NKAIN3: variants seen among roughly 807,000 people sequenced by gnomAD.
NKAIN3 encodes sodium/potassium-transporting ATPase subunit beta-1-interacting protein 3.
Under a neutral mutation model 30.2 loss-of-function variants are expected in NKAIN3, and 25 were observed. The ratio of observed to expected loss-of-function variants is 0.83; its 90% CI spans 0.60 to 1.16. The LOEUF (loss-of-function observed/expected upper bound fraction) is 1.16. Among genes scored for constraint, NKAIN3 ranks in the 50% most tolerant of loss-of-function variants. The pLI, the probability that NKAIN3 is intolerant of heterozygous loss-of-function variation, is 0.00. For synonymous variants in NKAIN3, 91 were observed against 89.6 expected, an observed-to-expected ratio of 1.02 and a Z score of -0.09; for missense variants, 225 against 254.1, an observed-to-expected ratio of 0.89 and a Z score of 0.78.
intron 1 of NKAIN3, among the ~76,000 whole-genome samples, chr8:62,418,539 T>C (rs780878995): frequency 6.6e-6 from 1 of 152,136 alleles, no homozygotes; most frequent in Non-Finnish European, 1.5e-5. Flanking sequence ...CTTTGCGATC[T>C]CCCCTTTCTA....
chr8:62,487,438 A>G (rs1194410535), intron 1 of NKAIN3, among the ~76,000 whole-genome samples: 1 of 152,196 alleles, frequency 6.6e-6, no homozygotes, highest in Non-Finnish European at 1.5e-5. Flanking sequence ...GGCAATATGG[A>G]CAATGTCATT....
intron 1 of NKAIN3, among the ~76,000 whole-genome samples, chr8:62,320,542 T>C (rs10088989): frequency 0.042 from 6,460 of 152,228 alleles, 230 homozygotes; most frequent in South Asian, 0.13. Flanking sequence ...TGACAAAATC[T>C]CTCAGCATTT....
chr8:62,851,272 T>C (rs943773948), intron 4 of NKAIN3, among the ~76,000 whole-genome samples: 15 of 152,204 alleles, frequency 9.9e-5, no homozygotes, highest in African/African-American at 3.6e-4. Context: ...GTTATTGGTG[T>C]ATAAGAATGC....
At chr8:62,569,376 C>T (rs1024207669) in intron 1 of NKAIN3, among the ~76,000 whole-genome samples, 11 of 152,122 alleles carry the variant, frequency 7.2e-5, no homozygotes, top group African/African-American at 1.9e-4. Context: ...TGGGCTTCAT[C>T]AACCTCAAGC....
chr8:62,650,116 C>T (rs1812581225), intron 3 of NKAIN3, among the ~76,000 whole-genome samples: 1 of 151,996 alleles, frequency 6.6e-6, no homozygotes, highest in South Asian at 2.1e-4. Flanking sequence ...TCCTTCTCTT[C>T]TGGTGACTAT....
chr8:62,889,954 A>T (rs1028962344), intron 4 of NKAIN3, among the ~76,000 whole-genome samples: 3 of 152,214 alleles, frequency 2.0e-5, no homozygotes, highest in African/African-American at 7.2e-5. Context: ...AAAGTTTCTC[A>T]ATATGATTTT....
intron 3 of NKAIN3, among the ~76,000 whole-genome samples, chr8:62,729,242 T>C (rs1483156419): frequency 6.6e-6 from 1 of 152,010 alleles, no homozygotes; most frequent in Non-Finnish European, 1.5e-5. Context: ...AAGGAAGATA[T>C]GTAGATGGAA....
At chr8:62,886,991 G>T (rs1412831687) in intron 4 of NKAIN3, among the ~76,000 whole-genome samples, 1 of 152,120 alleles carries the variant, frequency 6.6e-6, no homozygotes, top group Admixed American at 6.5e-5. Flanking sequence ...CAAAGGACAT[G>T]AACTCACTCT....
intron 1 of NKAIN3, among the ~76,000 whole-genome samples, chr8:62,375,886 A>G (rs1009775218): frequency 6.6e-6 from 1 of 152,182 alleles, no homozygotes. Flanking sequence ...TTTTGTTTGC[A>G]GCAGTTTCAA....
chr8:62,865,156 T>G (rs1337896341), intron 4 of NKAIN3, among the ~76,000 whole-genome samples: 1 of 152,194 alleles, frequency 6.6e-6, no homozygotes, highest in Admixed American at 6.5e-5. Flanking sequence ...GCTGAAACCC[T>G]GGTGCCCTTT....
chr8:62,864,854 T>C (rs1262208493), intron 4 of NKAIN3, among the ~76,000 whole-genome samples: 2 of 152,108 alleles, frequency 1.3e-5, no homozygotes, highest in African/African-American at 4.8e-5. Context: ...ACGGAAGACA[T>C]CCAGATGAGT....
chr8:62,487,808 T>C (rs775066117), intron 1 of NKAIN3, among the ~76,000 whole-genome samples: 2 of 152,196 alleles, frequency 1.3e-5, no homozygotes, highest in African/African-American at 2.4e-5. Context: ...TTGTCATTCT[T>C]TCTAACAGCT....
intron 3 of NKAIN3, among the ~76,000 whole-genome samples, chr8:62,637,040 G>A (rs1272471813): frequency 2.0e-5 from 3 of 152,034 alleles, no homozygotes; most frequent in Non-Finnish European, 4.4e-5. Flanking sequence ...TCTGAAAAGT[G>A]GGAATCCATT....
Position 62,608,220 on chromosome 8 carries a change from C to A in NKAIN3, c.273+18426C>A, listed in dbSNP as rs377358789. On this transcript the variant is annotated intron_variant, in intron 3 of 6. Transcript: ENST00000623646. ...TTGTATTTTGCTTTAATCATTCTTTCCCACACTTTTCTTTTTCCTAAAAGG... is the reference window on the plus strand; with the variant it reads ...TTGTATTTTGCTTTAATCATTCTTTACCACACTTTTCTTTTTCCTAAAAGG... Among the ~76,000 whole-genome samples the A allele has an allele frequency of 9.9e-5, 15 of 152,198 alleles. No individual in the cohort carries two copies. In the East Asian group the frequency reaches 2.1e-3, roughly 22 times the overall value.
chr8:62,799,565 A>C (rs914010148), intron 4 of NKAIN3, among the ~76,000 whole-genome samples: 4 of 152,206 alleles, frequency 2.6e-5, no homozygotes. Flanking sequence ...ATGTGGATAC[A>C]GTGAAAAGGG....
chr8:62,823,075 G>A (rs1019227548), intron 4 of NKAIN3, among the ~76,000 whole-genome samples: 7 of 152,168 alleles, frequency 4.6e-5, no homozygotes, highest in African/African-American at 1.7e-4. Context: ...AGGACTGGAA[G>A]TTGCTCTGGG....
intron 4 of NKAIN3, among the ~76,000 whole-genome samples, chr8:62,796,187 C>T (rs1164393141): frequency 6.6e-6 from 1 of 151,638 alleles, no homozygotes; most frequent in East Asian, 1.9e-4. Flanking sequence ...AGTTCGAAAC[C>T]AAACTGGCCA....
chr8:62,804,675 C>G (rs1317498335), intron 4 of NKAIN3, among the ~76,000 whole-genome samples: 4 of 152,144 alleles, frequency 2.6e-5, no homozygotes, highest in Non-Finnish European at 5.9e-5. Context: ...CTATCTATGA[C>G]AAACCCACAG....
At chr8:62,676,661 T>C (rs1813486792) in intron 3 of NKAIN3, among the ~76,000 whole-genome samples, 1 of 151,990 alleles carries the variant, frequency 6.6e-6, no homozygotes. Flanking sequence ...GGTTAAGTTA[T>C]ATGAGGTTTA....
Sources: gnomAD v4.1 joint callset for allele counts (sites outside exome capture counted in the v4.1 genomes callset) on GRCh38, gnomAD v4.1.1 for gene constraint, MANE v1.5 for transcripts, NCBI Gene and HGNC (gene_info 2026-07-23, HGNC 2026-07-21) for gene names.